Variants in KCNA7 observed in about 807,000 individuals in gnomAD.
KCNA7 encodes the protein potassium voltage-gated channel subfamily A member 7, also known as potassium channel, voltage gated shaker related subfamily A, member 7.
In KCNA7, 15 loss-of-function variants were observed where a neutral mutation model predicts 21.5. The ratio of observed to expected loss-of-function variants is 0.70; its 90% CI spans 0.47 to 1.07. KCNA7 has a LOEUF of 1.07. KCNA7 is among the 50% of genes least tolerant of loss of function. The pLI is 0.00. For missense variants in KCNA7, 640 were observed against 651.6 expected (o/e 0.98, Z 0.19); for synonymous variants, 298 against 291.0 (o/e 1.02, Z -0.24).
rs146804519 is a variant in KCNA7 at position 49,070,640 on chromosome 19, C to T, written c.794G>A (p.Arg265Gln). 6.8e-6 allele frequency: 11 copies of T among 1,614,186 alleles called. No homozygotes were observed. Among genetic ancestry groups the T allele is most frequent in the African/African-American group, 1.3e-5 (1 of 75,048 alleles). ...TGACATGGCCTGCTGGCCCACCCCTCGCTGCCGGGCCAGCTCGGTGCCCAG... is the reference window on the plus strand; with the variant it reads ...TGACATGGCCTGCTGGCCCACCCCTTGCTGCCGGGCCAGCTCGGTGCCCAG... The part of the protein sequence containing the change: ...VALGTELARQ[R>Q]GVGQQAMSLA... Residue 265 changes from arginine to glutamine, a missense_variant, in exon 2 of 2, where the codon CGA becomes CAA. Transcript: ENST00000221444. This position sits in a 1 kb window ranked among gnomAD's most constrained non-coding sequence, Gnocchi z 4.3.
rs150890914 is a variant in KCNA7, at chr19:49,070,450, G to A, written c.984C>T (p.Ser328=). Residue 328 remains serine, a synonymous_variant, in exon 2 of 2, where the codon AGC becomes AGT. Transcript: ENST00000221444. The surrounding 1 kb of genome is among the most constrained non-coding windows in gnomAD (Gnocchi z 4.3). The part of the protein sequence containing the change: ...FLFIGVVLFS[S]AVYFAEVDRV... ...GGTCAACTTCGGCAAAGTAGACGGC[G>A]CTGGAAAAGAGGACCACACCGATGA... 4.9e-5 allele frequency: 79 copies of A among 1,614,078 alleles called. No individual in the cohort carries two copies. Among genetic ancestry groups the A allele is most frequent in the East Asian group, 3.6e-4 (16 of 44,876 alleles).
Position 49,070,058 on chromosome 19 carries a change from G to C in KCNA7, c.*5C>G. On this transcript the variant is annotated 3_prime_UTR_variant, in exon 2 of 2. Coordinates refer to ENST00000221444, the MANE Select transcript of KCNA7 (RefSeq NM_031886.3). This position sits in a 1 kb window ranked among gnomAD's most constrained non-coding sequence, Gnocchi z 4.3. ...GTGTGAGGTCCTGCAGACCTCAACT[G>C]TTCCTCACACTTCGGTGACCAGGTG... is the stretch of plus-strand genomic sequence containing the variant. 6.3e-7 allele frequency: 1 copy of C among 1,596,320 alleles called. No homozygotes were observed. Among genetic ancestry groups the C allele is most frequent in the Non-Finnish European group, 8.6e-7 (1 of 1,169,050 alleles).
At chr19:49,071,919 T>G in intron 1 of KCNA7, 112 bp downstream of exon 1, 1 of 631,056 alleles carries the variant, frequency 1.6e-6, no homozygotes, top group Non-Finnish European at 2.4e-6. Flanking sequence ...TGTCTTCGGC[T>G]GGCCCACCCC....
At position 49,068,048 on chromosome 19, in the gene KCNA7, C is replaced by G. The variant is rs1033653684; in HGVS notation, c.*2015G>C. On this transcript the variant is annotated 3_prime_UTR_variant, in exon 2 of 2. Coordinates refer to ENST00000221444, the MANE Select transcript of KCNA7 (RefSeq NM_031886.3). ...CCGAGTAGCTGGGACTACAGGTGCC[C>G]GCCACCGCACCCGGCTAATTTTTTT... 1 of 151,766 alleles carries G rather than the reference C, an allele frequency of 6.6e-6. No homozygotes were observed. Among genetic ancestry groups the G allele is most frequent in the East Asian group, 2.0e-4 (1 of 5,112 alleles). 9.4% of individuals were successfully genotyped at this position (151,766 alleles called of 1,614,324 possible).
rs754428544 is a variant in KCNA7 at position 49,072,253 on chromosome 19, G to A, written c.333C>T (p.Gly111=). ...AALARLREDE[G]CPVPPERPLP... ...GGGGGCGCTCGGGCGGCACCGGGCA[G>A]CCCTCGTCCTCGCGCAGGCGTGCCA... Residue 111 remains glycine, a synonymous_variant, in exon 1 of 2, where the codon GGC becomes GGT. Coordinates refer to ENST00000221444, the MANE Select transcript of KCNA7 (RefSeq NM_031886.3). 7 of 1,588,742 alleles carry A rather than the reference G, an allele frequency of 4.4e-6. No individual in the cohort carries two copies. The East Asian group carries it at 9.2e-5, about 21-fold the overall frequency.
rs1014797689 is a variant in KCNA7 at position 49,072,032 on chromosome 19, G to T, written c.554C>A (p.Pro185Gln). 1.9e-6 allele frequency: 3 copies of T among 1,593,060 alleles called. No homozygotes were observed. Among genetic ancestry groups the T allele is most frequent in the Non-Finnish European group, 2.6e-6 (3 of 1,171,068 alleles). ...CTCCACCCACGCCCCGCCTCTCACC[G>T]GGCCGGCTGCGGCTGCAGCAGCAAG... is the stretch of plus-strand genomic sequence containing the variant. ...TGLAAAAAAG[P>Q]FPAPLNGSSQ... is the part of the protein sequence containing the mutation. Residue 185 changes from proline to glutamine, a missense_variant and splice_region_variant, in exon 1 of 2, where the codon CCG (proline) becomes CAG (glutamine). Coordinates refer to ENST00000221444, the MANE Select transcript of KCNA7 (RefSeq NM_031886.3).
Position 49,072,223 on chromosome 19 carries a change from G to A in KCNA7, c.363C>T (p.Pro121=). The change falls in exon 1 of 2, where the codon CCC becomes CCT. Residue 121 remains proline (P), a synonymous_variant. Coordinates refer to ENST00000221444, the MANE Select transcript of KCNA7 (RefSeq NM_031886.3). ...GCPVPPERPL[P]RRAFARQLWL... Reference sequence around the variant, plus strand: ...ACAGCTGGCGGGCGAAGGCGCGGCGGGGCAGGGGGCGCTCGGGCGGCACCG... The same window carrying A: ...ACAGCTGGCGGGCGAAGGCGCGGCGAGGCAGGGGGCGCTCGGGCGGCACCG... 1 of 1,603,142 alleles carries A rather than the reference G, an allele frequency of 6.2e-7. No homozygotes were observed.
Position 49,072,192 on chromosome 19 carries a change from G to T in KCNA7, c.394C>A (p.Leu132Ile). The T allele has an allele frequency of 1.9e-6, 3 of 1,610,952 alleles. No individual in the cohort carries two copies. Among genetic ancestry groups the T allele is most frequent in the Non-Finnish European group, 8.5e-7 (1 of 1,179,302 alleles). The change falls in exon 1 of 2, where the codon CTT becomes ATT. Residue 132 changes from leucine (L) to isoleucine (I), a missense_variant. Physicochemically the swap from Leu to Ile is conservative, Grantham distance 5. Coordinates refer to ENST00000221444, the MANE Select transcript of KCNA7 (RefSeq NM_031886.3). ...RRAFARQLWL[L>I]FEFPESSQAA... ...TGAGAGCTCTCGGGAAACTCGAAAA[G>T]CAGCCACAGCTGGCGGGCGAAGGCG...
rs186760468 is a variant in KCNA7 at position 49,069,944 on chromosome 19, C to T, written c.*119G>A. The T allele has an allele frequency of 9.0e-4, 677 of 754,650 alleles. 1 individual carries two copies. The highest frequency in any genetic ancestry group is 3.0e-3 in the Admixed American group (110 of 36,686). The allele number at this position is 754,650 out of a possible 1,614,324, so 46.7% of individuals were successfully genotyped here. On this transcript the variant is annotated 3_prime_UTR_variant, in exon 2 of 2. Coordinates refer to ENST00000221444, the MANE Select transcript of KCNA7 (RefSeq NM_031886.3). ...CAACAAGACTCAGTGTTTCCCCACT[C>T]GTTACGACTTAACCTAGCTCTTCCT...
intron 1 of KCNA7, 129 bp from the exon 2 acceptor site, chr19:49,071,007 G>T: frequency 1.3e-6 from 1 of 756,026 alleles, no homozygotes; most frequent in Non-Finnish European, 2.1e-6. Flanking sequence ...GGCCCTCCGT[G>T]ACCTGGTTAT....
Position 49,068,851 on chromosome 19 carries a change from C to T in KCNA7, c.*1212G>A, listed in dbSNP as rs2040236932. The T allele has an allele frequency of 6.6e-6, 1 of 152,258 alleles. No individual in the cohort carries two copies. Among genetic ancestry groups the T allele is most frequent in the African/African-American group, 2.4e-5 (1 of 41,428 alleles). The allele number at this position is 152,258 out of a possible 1,614,324, so 9.4% of individuals were successfully genotyped here. The stretch of plus-strand genomic sequence containing the variant: ...ACAGAGTACAGTTTTCTCCCCCTCT[C>T]CCCTTTCCCTTGTGGCTCTGACCTC... On this transcript the variant is annotated 3_prime_UTR_variant, in exon 2 of 2. Transcript: ENST00000221444.
rs1425415453 is a variant in KCNA7 at position 49,070,205 on chromosome 19, G to T, written c.1229C>A (p.Ala410Asp). ...FYHRETEGEE[A>D]GMFSHVDMQP... ...CATGTCCACATGGCTGAACATCCCAGCCTCTTCGCCCTCTGTCTCCCGGTG... is the reference window on the plus strand; with the variant it reads ...CATGTCCACATGGCTGAACATCCCATCCTCTTCGCCCTCTGTCTCCCGGTG... The change falls in exon 2 of 2, where the codon GCT (alanine) becomes GAT (aspartate). Residue 410 changes from alanine to aspartate, a missense_variant. Coordinates refer to ENST00000221444, the MANE Select transcript of KCNA7 (RefSeq NM_031886.3). The surrounding 1 kb of genome is among the most constrained non-coding windows in gnomAD (Gnocchi z 4.3). 15 of 1,614,220 alleles carry T rather than the reference G, an allele frequency of 9.3e-6. No homozygotes were observed. Among genetic ancestry groups the T allele is most frequent in the Non-Finnish European group, 1.2e-5 (14 of 1,180,048 alleles).
chr19:49,072,633 C>A lies in KCNA7; in HGVS notation c.-48G>T. 9.3e-7 allele frequency: 1 copy of A among 1,079,282 alleles called. No individual in the cohort carries two copies. The highest frequency in any genetic ancestry group is 1.1e-6 in the Non-Finnish European group (1 of 891,264). The allele number at this position is 1,079,282 out of a possible 1,614,324, so 66.9% of individuals were successfully genotyped here. A position where few individuals can be genotyped will look rare whatever the true frequency, so the allele number is the denominator to read the frequency against. ...CGCGAACCGACGTGTGGCCCCGACG[C>A]CCGGCCCCGGTGCGGCCCCGCCTCG... On this transcript the variant is annotated 5_prime_UTR_variant, in exon 1 of 2. Coordinates refer to ENST00000221444, the MANE Select transcript of KCNA7 (RefSeq NM_031886.3).
rs1409320605 is a variant in KCNA7, at chr19:49,072,407, C to T, written c.179G>A (p.Arg60Gln). The change falls in exon 1 of 2, where the codon CGG (arginine) becomes CAG (glutamine). Residue 60 changes from arginine (R) to glutamine (Q), a missense_variant. Transcript: ENST00000221444. ...DDARREYFFD[R>Q]HRPSFDAVLY... ...CACGGCGTCGAAGCTGGGCCGGTGC[C>T]GGTCGAAGAAATACTCGCGGCGCGC... 1 of 1,583,272 alleles carries T rather than the reference C, an allele frequency of 6.3e-7. No homozygotes were observed. The highest frequency in any genetic ancestry group is 1.7e-5 in the Admixed American group (1 of 58,220).
chr19:49,070,033 G>T lies in KCNA7; in HGVS notation c.*30C>A. 9.1e-6 allele frequency: 14 copies of T among 1,530,968 alleles called. No individual in the cohort carries two copies. The highest frequency in any genetic ancestry group is 1.2e-5 in the Non-Finnish European group (13 of 1,119,888). The allele number at this position is 1,530,968 out of a possible 1,614,324, so 94.8% of individuals were successfully genotyped here. A position where few individuals can be genotyped will look rare whatever the true frequency, so the allele number is the denominator to read the frequency against. ...GCCCTCCCTCCCTCCCTCTAGGGAG[G>T]TGTGAGGTCCTGCAGACCTCAACTG... On this transcript the variant is annotated 3_prime_UTR_variant, in exon 2 of 2. Transcript: ENST00000221444. The surrounding 1 kb of genome is among the most constrained non-coding windows in gnomAD (Gnocchi z 4.3).
Position 49,072,352 on chromosome 19 carries a change from CAG to C in KCNA7, c.232_233del (p.Leu78AlafsTer89), listed in dbSNP as rs2040265642. On this transcript the variant is annotated frameshift_variant, in exon 1 of 2. Coordinates refer to ENST00000221444, the MANE Select transcript of KCNA7 (RefSeq NM_031886.3). LOFTEE classifies it high-confidence loss of function. ...VLYYYQSGGR[L>X]RRPAHVPLDV... ...CGAGCGGCACGTGCGCCGGCCGCCG[CAG>C]CCGCCCACCGGACTGGTAGTAGTAG... is the stretch of plus-strand genomic sequence containing the variant. The C allele has an allele frequency of 1.3e-6, 2 of 1,595,180 alleles. No individual in the cohort carries two copies. The highest frequency in any genetic ancestry group is 2.7e-5 in the African/African-American group (2 of 73,524).
rs1046568242 is a variant in KCNA7, at chr19:49,070,804, G to A, written c.630C>T (p.Phe210=). 8 of 1,614,092 alleles carry A rather than the reference G, an allele frequency of 5.0e-6. No individual in the cohort carries two copies. The highest frequency in any genetic ancestry group is 3.3e-5 in the South Asian group (3 of 91,086). ...PPRLPFNDPF[F]VVETLCICWF... ...AACAAATACACAGCGTCTCCACCAC[G>A]AAGAACGGGTCATTGAAGGGCAGGC... Residue 210 remains phenylalanine (F), a synonymous_variant, in exon 2 of 2, where the codon TTC becomes TTT. Coordinates refer to ENST00000221444, the MANE Select transcript of KCNA7 (RefSeq NM_031886.3). The surrounding 1 kb of genome is among the most constrained non-coding windows in gnomAD (Gnocchi z 4.3).
intron 1 of KCNA7, 72 bp downstream of exon 1, chr19:49,071,959 G>A: frequency 7.0e-7 from 1 of 1,425,468 alleles, no homozygotes. Context: ...CTTATGATTG[G>A]CCAGGTCCCC....
rs1178212944 is a variant in KCNA7 at position 49,069,056 on chromosome 19, C to T, written c.*1007G>A. On this transcript the variant is annotated 3_prime_UTR_variant, in exon 2 of 2. Transcript: ENST00000221444. Reference sequence around the variant, plus strand: ...CCTACAGCGAGCTGGGGAGCCAGCTCGGCACACCTCCCAGAGCCCTCGCCA... The same window carrying T: ...CCTACAGCGAGCTGGGGAGCCAGCTTGGCACACCTCCCAGAGCCCTCGCCA... 2.0e-5 allele frequency: 3 copies of T among 152,296 alleles called. No homozygotes were observed. Among genetic ancestry groups the T allele is most frequent in the Admixed American group, 6.5e-5 (1 of 15,284 alleles). 9.4% of individuals were successfully genotyped at this position (152,296 alleles called of 1,614,324 possible). A position where few individuals can be genotyped will look rare whatever the true frequency, so the allele number is the denominator to read the frequency against.
Sources: allele counts gnomAD v4.1 joint callset, GRCh38; gene constraint gnomAD v4.1.1; non-coding constraint Gnocchi (gnomAD v3.1); transcripts MANE v1.5; gene names NCBI Gene and HGNC (gene_info 2026-07-23, HGNC 2026-07-21).